DPP6: variants seen among roughly 807,000 people sequenced by gnomAD.
The protein encoded by DPP6 is A-type potassium channel modulatory protein DPP6.
A neutral mutation model predicts 122.6 loss-of-function variants in DPP6; 69 were observed. The ratio of observed to expected loss-of-function variants is 0.56; its 90% CI spans 0.46 to 0.69. The LOEUF (loss-of-function observed/expected upper bound fraction) is 0.69, where lower values mean the gene tolerates loss of function less well. Among genes scored for constraint, DPP6 ranks in the 30% least tolerant of loss-of-function variants. The probability of loss-of-function intolerance (pLI) is 0.00; values close to 1 mark genes in which losing one functional copy is unlikely to be tolerated. For missense variants in DPP6, 928 were observed against 1,116.9 expected, an observed-to-expected ratio of 0.83 and a Z score of 2.41; for synonymous variants, 418 against 433.1, an observed-to-expected ratio of 0.97 and a Z score of 0.43.
At chr7:154,071,010 T>C (rs993368006) in intron 1 of DPP6, among the ~76,000 whole-genome samples, 19 of 152,204 alleles carry the variant, frequency 1.2e-4, no homozygotes, top group Admixed American at 4.6e-4. Context: ...AAATAGTAGC[T>C]TATCATGTAT....
intron 1 of DPP6, among the ~76,000 whole-genome samples, chr7:154,401,728 A>G (rs1018975498): frequency 2.0e-5 from 3 of 152,232 alleles, no homozygotes; most frequent in Non-Finnish European, 4.4e-5. Flanking sequence ...AATGGCAACC[A>G]AAGCCAAAAT....
chr7:154,381,059 T>C (rs977736545), intron 1 of DPP6, among the ~76,000 whole-genome samples: 1 of 152,132 alleles, frequency 6.6e-6, no homozygotes, highest in African/African-American at 2.4e-5. Context: ...GGCGTGGGGC[T>C]TCTCTGCCAT....
chr7:153,887,169 TC>T, exon 1 of DPP6: 1 of 152,238 alleles, frequency 6.6e-6, no homozygotes, highest in Non-Finnish European at 1.5e-5. Flanking sequence ...CCCGGCCGGG[TC>T]CCTGCCCTTA....
At chr7:153,857,707 A>G in the DPP6 span, among the ~76,000 whole-genome samples, 2 of 152,202 alleles carry the variant, frequency 1.3e-5, no homozygotes, top group Non-Finnish European at 2.9e-5. Flanking sequence ...TCATGCTTAG[A>G]ATATAAACAC....
chr7:153,915,910 GGT>G (rs1800283944), intron 1 of DPP6, among the ~76,000 whole-genome samples: 1 of 152,020 alleles, frequency 6.6e-6, no homozygotes, highest in African/African-American at 2.4e-5. Context: ...CTGGGCCAGT[GGT>G]GGACACACTA....
chr7:154,645,308 G>T (rs930269889), intron 6 of DPP6, among the ~76,000 whole-genome samples: 1 of 151,748 alleles, frequency 6.6e-6, no homozygotes, highest in Non-Finnish European at 1.5e-5. Flanking sequence ...CTCGTGACCC[G>T]CCCGCCTCGG....
intron 25 of DPP6, among the ~76,000 whole-genome samples, chr7:154,891,876 A>G (rs1471023812): frequency 6.6e-6 from 1 of 151,916 alleles, no homozygotes; most frequent in Non-Finnish European, 1.5e-5. Flanking sequence ...ATGAAATTCT[A>G]TTTCTTTTCA....
intron 1 of DPP6, among the ~76,000 whole-genome samples, chr7:153,933,047 C>T (rs1178061215): frequency 6.6e-6 from 1 of 152,160 alleles, no homozygotes; most frequent in Non-Finnish European, 1.5e-5. Flanking sequence ...TATCTTTGCT[C>T]CTCCTTCACC....
chr7:154,724,184 G>T (rs752215703), intron 7 of DPP6, among the ~76,000 whole-genome samples: 2 of 152,128 alleles, frequency 1.3e-5, no homozygotes, highest in Non-Finnish European at 2.9e-5. Flanking sequence ...CCCAGGCCAT[G>T]TAATATGTAT....
chr7:153,822,507 A>G, the DPP6 span, among the ~76,000 whole-genome samples: 1 of 152,130 alleles, frequency 6.6e-6, no homozygotes, highest in Non-Finnish European at 1.5e-5. Context: ...TTTGTTTTAA[A>G]TAAGTTTCAG....
intron 3 of DPP6, among the ~76,000 whole-genome samples, chr7:154,519,837 G>T (rs907806710): frequency 6.6e-6 from 1 of 152,166 alleles, no homozygotes; most frequent in African/African-American, 2.4e-5. Context: ...TGAATGTGTG[G>T]TCAAAAGGTG....
the DPP6 span, among the ~76,000 whole-genome samples, chr7:153,797,219 G>A: frequency 6.6e-6 from 1 of 152,170 alleles, no homozygotes; most frequent in Non-Finnish European, 1.5e-5. Flanking sequence ...ACCACACCTC[G>A]ATTCTTGGCC....
chr7:154,440,350 T>G (rs960923156), intron 1 of DPP6, among the ~76,000 whole-genome samples: 1 of 151,892 alleles, frequency 6.6e-6, no homozygotes, highest in African/African-American at 2.4e-5. Context: ...CCCCCACTAC[T>G]AGCAAAAGCA....
chr7:154,433,796 A>G, intron 1 of DPP6, among the ~76,000 whole-genome samples: 1 of 152,234 alleles, frequency 6.6e-6, no homozygotes, highest in Non-Finnish European at 1.5e-5. Flanking sequence ...TTCTCCAGAT[A>G]AGTACACTGA....
intron 1 of DPP6, among the ~76,000 whole-genome samples, chr7:154,200,200 T>A (rs572982402): frequency 7.9e-5 from 12 of 152,276 alleles, no homozygotes; most frequent in African/African-American, 9.6e-5. Flanking sequence ...CCTTTTTTTT[T>A]AAACAATTTT....
chr7:154,676,987 T>C (rs1838953654), intron 7 of DPP6, among the ~76,000 whole-genome samples: 1 of 152,216 alleles, frequency 6.6e-6, no homozygotes, highest in Non-Finnish European at 1.5e-5. Context: ...GGAGGATAGA[T>C]ATGGTTATTG....
At chr7:153,898,418 C>T (rs566690656) in intron 1 of DPP6, among the ~76,000 whole-genome samples, 2 of 152,206 alleles carry the variant, frequency 1.3e-5, no homozygotes, top group Admixed American at 6.5e-5. Flanking sequence ...TGCCACGGCA[C>T]TCCAGCCTGG....
At chr7:154,304,054 G>C (rs1194313036) in intron 1 of DPP6, among the ~76,000 whole-genome samples, 1 of 152,230 alleles carries the variant, frequency 6.6e-6, no homozygotes, top group African/African-American at 2.4e-5. Flanking sequence ...GCAAAGACTA[G>C]AGTGACTGAT....
At chr7:153,777,283 T>C in the DPP6 span, among the ~76,000 whole-genome samples, 2 of 152,114 alleles carry the variant, frequency 1.3e-5, no homozygotes, top group African/African-American at 4.8e-5. Context: ...TGGATTTCTT[T>C]ACTTGTGGTA....
Sources: gnomAD v4.1 joint callset for allele counts (sites outside exome capture counted in the v4.1 genomes callset) on GRCh38, gnomAD v4.1.1 for gene constraint, MANE v1.5 for transcripts, NCBI Gene and HGNC (gene_info 2026-07-23, HGNC 2026-07-21) for gene names.